The following GRIA2 variants were observed in gnomAD, a reference collection of about 807,000 sequenced individuals.
GRIA2 encodes the protein glutamate receptor 2.
A neutral mutation model predicts 97.3 loss-of-function variants in GRIA2; 14 were observed. The observed-to-expected ratio is 0.14, with a 90% CI of 0.10 to 0.23. The LOEUF (loss-of-function observed/expected upper bound fraction) is 0.23. GRIA2 is among the 10% of genes least tolerant of loss of function. The pLI, the probability that GRIA2 is intolerant of heterozygous loss-of-function variation, is 1.00. For missense variants in GRIA2, 558 were observed against 1,069.8 expected, an observed-to-expected ratio of 0.52 and a Z score of 6.67; for synonymous variants, 412 against 387.8, an observed-to-expected ratio of 1.06 and a Z score of -0.73.
At chr4:157,240,426 T>C (rs1297837224) in intron 2 of GRIA2, among the ~76,000 whole-genome samples, 1 of 152,130 alleles carries the variant, frequency 6.6e-6, no homozygotes, top group Non-Finnish European at 1.5e-5. Flanking sequence ...TTCTCATTTT[T>C]TTGTTTTTCT....
At chr4:157,260,665 C>A (rs1033158718) in intron 2 of GRIA2, among the ~76,000 whole-genome samples, 1 of 152,012 alleles carries the variant, frequency 6.6e-6, no homozygotes, top group Admixed American at 6.6e-5. Context: ...TTACAAAAAT[C>A]AAATATATGC....
chr4:157,290,120 T>C (rs1461041063), intron 2 of GRIA2, among the ~76,000 whole-genome samples: 1 of 151,912 alleles, frequency 6.6e-6, no homozygotes, highest in East Asian at 1.9e-4. Flanking sequence ...ATAATGGTTA[T>C]AGAAATCAGT....
intron 3 of GRIA2, among the ~76,000 whole-genome samples, chr4:157,308,590 A>C (rs548232813): frequency 6.6e-6 from 1 of 152,354 alleles, no homozygotes; most frequent in Non-Finnish European, 1.5e-5. Context: ...TCTGCTATAG[A>C]AATTCAAATA....
chr4:157,231,347 A>G (rs1730010812), intron 2 of GRIA2, among the ~76,000 whole-genome samples: 1 of 151,834 alleles, frequency 6.6e-6, no homozygotes. Flanking sequence ...TCGCAATTTT[A>G]TTTTTTATTT....
intron 12 of GRIA2, among the ~76,000 whole-genome samples, chr4:157,354,097 A>T (rs1208803109): frequency 6.6e-6 from 1 of 152,216 alleles, no homozygotes; most frequent in East Asian, 1.9e-4. Flanking sequence ...AATTCTTTTA[A>T]TCCAAAAACT....
At chr4:157,231,634 T>C (rs1251967112) in intron 2 of GRIA2, among the ~76,000 whole-genome samples, 1 of 152,198 alleles carries the variant, frequency 6.6e-6, no homozygotes, top group Non-Finnish European at 1.5e-5. Context: ...AATGTACGAC[T>C]AGACTGCATT....
chr4:157,361,472 A>C lies in GRIA2; in HGVS notation c.2406+348A>C. 1.7e-6 allele frequency: 2 copies of C among 1,180,076 alleles called. No homozygotes were observed. The highest frequency in any genetic ancestry group is 4.9e-5 in the East Asian group (2 of 40,750). 73.1% of individuals were successfully genotyped at this position (1,180,076 alleles called of 1,614,324 possible). On this transcript the variant is annotated intron_variant, in intron 14 of 15. Transcript: ENST00000264426. This position sits in a 1 kb window ranked among gnomAD's most constrained non-coding sequence, Gnocchi z 5.2. ...ATCGCTCTTACAAAGCTCTTGAATC[A>C]GTATTATGTAATGAATAACATAAAA... is the stretch of plus-strand genomic sequence containing the variant.
At chr4:157,281,398 A>G (rs1732588782) in intron 2 of GRIA2, among the ~76,000 whole-genome samples, 3 of 152,034 alleles carry the variant, frequency 2.0e-5, no homozygotes, top group Admixed American at 2.0e-4. Flanking sequence ...TAGCTTTCTC[A>G]GCCTGTTTAT....
chr4:157,348,490 C>T (rs1461485215), intron 12 of GRIA2, among the ~76,000 whole-genome samples: 1 of 152,112 alleles, frequency 6.6e-6, no homozygotes, highest in Non-Finnish European at 1.5e-5. Flanking sequence ...CCTCCCACCC[C>T]GGCCTCCCAG....
At chr4:157,239,417 A>C (rs1730397964) in intron 2 of GRIA2, among the ~76,000 whole-genome samples, 1 of 152,000 alleles carries the variant, frequency 6.6e-6, no homozygotes, top group African/African-American at 2.4e-5. Flanking sequence ...AAATGTTTAA[A>C]ATTTCCACTA....
intron 12 of GRIA2, among the ~76,000 whole-genome samples, chr4:157,355,975 A>G (rs370451215): frequency 0.25 from 16,605 of 65,444 alleles, 2,846 homozygotes; most frequent in African/African-American, 0.43. Context: ...ATATTAATAT[A>G]TATATTTATA....
chr4:157,242,111 A>G (rs1730537263), intron 2 of GRIA2, among the ~76,000 whole-genome samples: 2 of 152,118 alleles, frequency 1.3e-5, no homozygotes, highest in South Asian at 2.1e-4. Context: ...GCATAGTTGA[A>G]TGTTTTGTAT....
chr4:157,285,237 C>T (rs1732783887), intron 2 of GRIA2, among the ~76,000 whole-genome samples: 1 of 151,570 alleles, frequency 6.6e-6, no homozygotes, highest in Admixed American at 6.6e-5. Context: ...TCATGTCATT[C>T]TTAATTTTAT....
intron 3 of GRIA2, among the ~76,000 whole-genome samples, chr4:157,311,159 G>T (rs1734064156): frequency 6.6e-6 from 1 of 151,902 alleles, no homozygotes; most frequent in African/African-American, 2.4e-5. Context: ...CCTGAAAGTG[G>T]TTCATATAGG....
chr4:157,277,610 G>A (rs1732383882), intron 2 of GRIA2, among the ~76,000 whole-genome samples: 1 of 151,420 alleles, frequency 6.6e-6, no homozygotes, highest in Non-Finnish European at 1.5e-5. Context: ...GCAGATAATT[G>A]TCTGTGTAGA....
chr4:157,331,705 T>C (rs930607928), intron 6 of GRIA2, among the ~76,000 whole-genome samples: 1 of 151,962 alleles, frequency 6.6e-6, no homozygotes, highest in Admixed American at 6.6e-5. Context: ...TACTGTTAGA[T>C]GGCTTATCTT....
chr4:157,274,599 T>C (rs546273035), intron 2 of GRIA2, among the ~76,000 whole-genome samples: 1 of 147,064 alleles, frequency 6.8e-6, no homozygotes, highest in Admixed American at 6.8e-5. Context: ...TTCCCACCTA[T>C]GAGTGAGAAC....
chr4:157,343,022 A>G (rs1735612853), intron 12 of GRIA2, among the ~76,000 whole-genome samples: 1 of 152,090 alleles, frequency 6.6e-6, no homozygotes, highest in African/African-American at 2.4e-5. Context: ...TGGCCAGTGT[A>G]TTCACATTCC....
At chr4:157,310,101 A>G (rs1348241831) in intron 3 of GRIA2, among the ~76,000 whole-genome samples, 1 of 152,186 alleles carries the variant, frequency 6.6e-6, no homozygotes, top group Admixed American at 6.5e-5. Context: ...GTACATTGAT[A>G]GCTGTCGAAT....
Sources: allele counts gnomAD v4.1 joint callset (sites outside exome capture counted in the v4.1 genomes callset), GRCh38; gene constraint gnomAD v4.1.1; non-coding constraint Gnocchi (gnomAD v3.1); transcripts MANE v1.5; gene names NCBI Gene and HGNC (gene_info 2026-07-23, HGNC 2026-07-21).